POLD3: variants seen among roughly 807,000 people sequenced by gnomAD.
The protein encoded by POLD3 is DNA polymerase delta 3, accessory subunit.
Under a neutral mutation model 58.2 loss-of-function variants are expected in POLD3, and 19 were observed. The observed-to-expected ratio is 0.33, with a 90% CI of 0.23 to 0.48. POLD3 has a LOEUF of 0.48. POLD3 is among the 20% of genes least tolerant of loss of function. The pLI is 0.99. For synonymous variants in POLD3, 172 were observed against 193.5 expected (o/e 0.89, Z 0.92); for missense variants, 504 against 545.5 (o/e 0.92, Z 0.76).
intron 4 of POLD3, among the ~76,000 whole-genome samples, chr11:74,668,128 G>A (rs548027223): frequency 7.2e-5 from 11 of 152,270 alleles, no homozygotes; most frequent in African/African-American, 2.4e-4. Context: ...CACAGCTGGT[G>A]GGAATATAAA....
chr11:74,611,286 T>C (rs564885359), intron 3 of POLD3, among the ~76,000 whole-genome samples: 4 of 152,320 alleles, frequency 2.6e-5, no homozygotes, highest in South Asian at 4.1e-4. Flanking sequence ...CTTAACCTTA[T>C]TGAGAAGTTT....
intron 4 of POLD3, among the ~76,000 whole-genome samples, chr11:74,668,255 A>G (rs1565137892): frequency 6.6e-6 from 1 of 152,222 alleles, no homozygotes; most frequent in Non-Finnish European, 1.5e-5. Flanking sequence ...ACATACATTC[A>G]TACAAAATCT....
At chr11:74,605,799 C>G (rs1003973385) in intron 3 of POLD3, among the ~76,000 whole-genome samples, 20 of 152,132 alleles carry the variant, frequency 1.3e-4, no homozygotes, top group African/African-American at 4.6e-4. Context: ...AACTGAAATG[C>G]CAGGCTGGGT....
Position 74,641,484 on chromosome 11 carries a change from A to G in POLD3, c.*718A>G, listed in dbSNP as rs2032911886. On this transcript the variant is annotated 3_prime_UTR_variant, in exon 12 of 12. Transcript: ENST00000263681. ...AAATAGAAATTTAATGATGTGTTCAACTCCACCAGAAATTACCTCGAGTCA... is the reference window on the plus strand; with the variant it reads ...AAATAGAAATTTAATGATGTGTTCAGCTCCACCAGAAATTACCTCGAGTCA... 1 of 985,324 alleles carries G rather than the reference A, an allele frequency of 1.0e-6. No homozygotes were observed. The highest frequency in any genetic ancestry group is 1.2e-6 in the Non-Finnish European group (1 of 829,920). 61.0% of individuals were successfully genotyped at this position (985,324 alleles called of 1,614,324 possible).
At chr11:74,659,722 C>T (rs2033182052) in intron 4 of POLD3, among the ~76,000 whole-genome samples, 1 of 152,168 alleles carries the variant, frequency 6.6e-6, no homozygotes, top group Admixed American at 6.6e-5. Context: ...CACCTTTGCT[C>T]CAGTTCCCAA....
chr11:74,603,841 T>C (rs2031586345), intron 2 of POLD3, among the ~76,000 whole-genome samples: 1 of 152,166 alleles, frequency 6.6e-6, no homozygotes, highest in Admixed American at 6.5e-5. Context: ...AGATTGTAAA[T>C]GTTTCTCAAA....
At chr11:74,604,597 C>T in intron 2 of POLD3, 95 bp from the exon 3 acceptor site, 1 of 720,768 alleles carries the variant, frequency 1.4e-6, no homozygotes, top group Middle Eastern at 2.5e-4. Context: ...TGATGGACTA[C>T]CAGATTTCAT....
intron 4 of POLD3, among the ~76,000 whole-genome samples, chr11:74,611,799 CTG>C (rs2031922205): frequency 6.6e-6 from 1 of 152,196 alleles, no homozygotes; most frequent in Non-Finnish European, 1.5e-5. Context: ...CATGCAGAAA[CTG>C]TTATGAATAC....
At chr11:74,652,447 A>G (rs1416730887) in intron 4 of POLD3, among the ~76,000 whole-genome samples, 1 of 152,224 alleles carries the variant, frequency 6.6e-6, no homozygotes, top group Non-Finnish European at 1.5e-5. Flanking sequence ...TGCTTCAAGT[A>G]ATAGAGACCA....
chr11:74,613,576 C>A (rs188110573), intron 5 of POLD3, among the ~76,000 whole-genome samples: 1 of 152,086 alleles, frequency 6.6e-6, no homozygotes, highest in Admixed American at 6.6e-5. Context: ...TACTTAAACT[C>A]TTTGAGCTTT....
At chr11:74,658,781 T>C (rs2033168292) in intron 4 of POLD3, among the ~76,000 whole-genome samples, 1 of 152,208 alleles carries the variant, frequency 6.6e-6, no homozygotes, top group Non-Finnish European at 1.5e-5. Context: ...TGGGTTCCCA[T>C]GGTCTTGGGC....
At chr11:74,594,477 G>C (rs1465217780) in intron 2 of POLD3, among the ~76,000 whole-genome samples, 2 of 152,008 alleles carry the variant, frequency 1.3e-5, no homozygotes, top group Admixed American at 6.6e-5. Flanking sequence ...TTACCTTTTT[G>C]GAGACATGAT....
At chr11:74,658,514 A>G (rs963402599) in intron 4 of POLD3, among the ~76,000 whole-genome samples, 2 of 152,150 alleles carry the variant, frequency 1.3e-5, no homozygotes, top group South Asian at 2.1e-4. Context: ...TCACAGTCCA[A>G]AGTCTCATCT....
At chr11:74,594,328 A>G (rs532985514) in intron 2 of POLD3, among the ~76,000 whole-genome samples, 67 of 152,206 alleles carry the variant, frequency 4.4e-4, no homozygotes, top group Non-Finnish European at 8.4e-4. Context: ...TTGCACGTCC[A>G]TCTTATATGA....
Position 74,594,115 on chromosome 11 carries a change from CAG to C in POLD3, c.116_116+1del. 1 of 1,577,544 alleles carries C rather than the reference CAG, an allele frequency of 6.3e-7. No homozygotes were observed. On this transcript the variant is annotated splice_donor_variant and coding_sequence_variant, in exon 2 of 12. Transcript: ENST00000263681. LOFTEE classifies it high-confidence loss of function. ...AGGGGTTCATGTTAACCAGGCCAAA[CAG>C]TAAGTCCAATTTACTACCAATTTTA...
intron 4 of POLD3, among the ~76,000 whole-genome samples, chr11:74,665,134 A>T: frequency 6.9e-6 from 1 of 145,366 alleles, no homozygotes; most frequent in South Asian, 2.2e-4. Flanking sequence ...AAATAAATAA[A>T]TAATAAAATA....
At chr11:74,604,588 G>T in intron 2 of POLD3, 104 bp from the exon 3 acceptor site, 1 of 670,304 alleles carries the variant, frequency 1.5e-6, no homozygotes, top group Non-Finnish European at 2.6e-6. Flanking sequence ...CAGAAAATTT[G>T]ATGGACTACC....
intron 2 of POLD3, among the ~76,000 whole-genome samples, chr11:74,598,485 T>C (rs1320363201): frequency 6.6e-6 from 1 of 152,214 alleles, no homozygotes; most frequent in African/African-American, 2.4e-5. Flanking sequence ...GGAAACATCA[T>C]TTTATTATGC....
chr11:74,610,458 C>T (rs1364738681), intron 3 of POLD3, among the ~76,000 whole-genome samples: 2 of 152,154 alleles, frequency 1.3e-5, no homozygotes, highest in African/African-American at 4.8e-5. Context: ...ATCTGCCTGC[C>T]TCGGCCTCCC....
Sources: allele counts gnomAD v4.1 joint callset (sites outside exome capture counted in the v4.1 genomes callset), GRCh38; gene constraint gnomAD v4.1.1; transcripts MANE v1.5; gene names NCBI Gene and HGNC (gene_info 2026-07-23, HGNC 2026-07-21).